Variants in STK39 observed in about 807,000 individuals in gnomAD.
STK39 encodes the protein serine/threonine kinase 39.
In STK39, 20 loss-of-function variants were observed where a neutral mutation model predicts 77.8. That is an observed-to-expected ratio of 0.26 (90% CI 0.18 to 0.37). The LOEUF (loss-of-function observed/expected upper bound fraction) is 0.37, where lower values mean the gene tolerates loss of function less well. Ranked by LOEUF, STK39 falls within the 10% of genes least tolerant of loss-of-function variation. The pLI is 1.00. For missense variants in STK39, 479 were observed against 656.5 expected, an observed-to-expected ratio of 0.73 and a Z score of 2.95; for synonymous variants, 246 against 234.1, an observed-to-expected ratio of 1.05 and a Z score of -0.47.
At chr2:168,175,671 G>A (rs189059597) in intron 2 of STK39, among the ~76,000 whole-genome samples, 24 of 152,108 alleles carry the variant, frequency 1.6e-4, no homozygotes, top group South Asian at 8.3e-4. Context: ...TCTCCAATTC[G>A]TTAAGAATGT....
intron 4 of STK39, among the ~76,000 whole-genome samples, chr2:168,162,234 C>A (rs1172584970): frequency 7.0e-6 from 1 of 143,492 alleles, no homozygotes; most frequent in African/African-American, 2.6e-5. Flanking sequence ...TGCAGTGAGC[C>A]AACACCGTGC....
At chr2:168,182,284 A>G (rs75654670) in intron 1 of STK39, among the ~76,000 whole-genome samples, 194 bp from the exon 2 acceptor site, 3,571 of 152,134 alleles carry the variant, frequency 0.023, 87 homozygotes, top group East Asian at 0.076. Flanking sequence ...AAAAAACTGC[A>G]TTTTCCAGAC....
intron 1 of STK39, among the ~76,000 whole-genome samples, chr2:168,228,194 C>T (rs1690357238): frequency 6.6e-6 from 1 of 152,052 alleles, no homozygotes; most frequent in Non-Finnish European, 1.5e-5. Flanking sequence ...CAGTGTATGC[C>T]AAAATCTCAA....
At chr2:168,131,230 GAA>G (rs1048114322) in intron 8 of STK39, among the ~76,000 whole-genome samples, 3 of 152,166 alleles carry the variant, frequency 2.0e-5, no homozygotes, top group Non-Finnish European at 2.9e-5. Flanking sequence ...TGATGGTATA[GAA>G]GTAAACAATG....
At chr2:168,208,225 AG>A (rs1213254285) in intron 1 of STK39, among the ~76,000 whole-genome samples, 6 of 152,236 alleles carry the variant, frequency 3.9e-5, no homozygotes, top group Admixed American at 6.5e-5. Flanking sequence ...CATTTTCACC[AG>A]CTTATCACCT....
intron 8 of STK39, among the ~76,000 whole-genome samples, chr2:168,135,129 T>A (rs1311032876): frequency 7.1e-6 from 1 of 140,016 alleles, no homozygotes; most frequent in Admixed American, 7.2e-5. Flanking sequence ...AAAACACTTA[T>A]AAACTTTTGA....
At chr2:168,190,823 G>C (rs1357261441) in intron 1 of STK39, among the ~76,000 whole-genome samples, 1 of 152,124 alleles carries the variant, frequency 6.6e-6, no homozygotes. Context: ...CCAACGATCT[G>C]GCAATATTGA....
At chr2:168,172,989 A>G (rs1489379753) in intron 2 of STK39, among the ~76,000 whole-genome samples, 1 of 152,230 alleles carries the variant, frequency 6.6e-6, no homozygotes, top group African/African-American at 2.4e-5. Context: ...AAATTGGTTT[A>G]GGAGACAGCC....
intron 16 of STK39, among the ~76,000 whole-genome samples, chr2:167,990,841 G>A (rs1683682976): frequency 6.6e-6 from 1 of 152,162 alleles, no homozygotes; most frequent in Non-Finnish European, 1.5e-5. Context: ...TGCGTACATG[G>A]AGCTTAGTCC....
rs1559111375 is a variant in STK39, at chr2:168,129,739, A to T, written c.994T>A (p.Leu332Ile). 1 of 1,613,960 alleles carries T rather than the reference A, an allele frequency of 6.2e-7. No individual in the cohort carries two copies. The highest frequency in any genetic ancestry group is 8.5e-7 in the Non-Finnish European group (1 of 1,179,944). ...PSKRPTAAEL[L>I]KCKFFQKAKN... is the part of the protein sequence containing the mutation. Reference sequence around the variant, plus strand: ...GCTTTCTGGAAGAATTTGCATTTTAAAAGTTCTGCTGCTGTGGGCCTGAAA... The same window carrying T: ...GCTTTCTGGAAGAATTTGCATTTTATAAGTTCTGCTGCTGTGGGCCTGAAA... The change falls in exon 9 of 18, where the codon TTA becomes ATA. Residue 332 changes from leucine (L) to isoleucine (I), a missense_variant. This residue lies in a region of STK39 where 244 missense variants were observed against 296.8 expected (regional missense o/e 0.82). Transcript: ENST00000355999.
At chr2:167,978,689 C>T (rs1225872781) in intron 16 of STK39, among the ~76,000 whole-genome samples, 1 of 152,152 alleles carries the variant, frequency 6.6e-6, no homozygotes. Flanking sequence ...TGTACACACT[C>T]ATGAAACCAT....
intron 14 of STK39, among the ~76,000 whole-genome samples, chr2:168,034,171 C>T (rs926147224): frequency 3.3e-5 from 5 of 152,174 alleles, no homozygotes; most frequent in Non-Finnish European, 5.9e-5. Flanking sequence ...TGTCCTCAAG[C>T]GGCCCAGCAT....
chr2:168,108,652 C>A (rs964136448), intron 10 of STK39, among the ~76,000 whole-genome samples: 2 of 152,160 alleles, frequency 1.3e-5, no homozygotes, highest in Admixed American at 6.5e-5. Flanking sequence ...GTCATTCCCC[C>A]CTTCAGCAGG....
At chr2:168,030,853 G>A (rs1244770372) in intron 14 of STK39, among the ~76,000 whole-genome samples, 1 of 152,212 alleles carries the variant, frequency 6.6e-6, no homozygotes, top group Non-Finnish European at 1.5e-5. Context: ...TAGTTGCACA[G>A]AAAGTAACAT....
chr2:168,063,839 A>G (rs1410696627), intron 13 of STK39, among the ~76,000 whole-genome samples: 1 of 152,194 alleles, frequency 6.6e-6, no homozygotes, highest in Middle Eastern at 3.2e-3. Flanking sequence ...AAGCTGTAGT[A>G]AAGTCCAGCT....
In STK39 at chr2:168,135,693, G is replaced by C. The variant is rs1687812755; in HGVS notation, c.974+2395C>G. Among the ~76,000 whole-genome samples the C allele has an allele frequency of 2.0e-5, 3 of 152,156 alleles. No individual in the cohort carries two copies. In the South Asian group the frequency reaches 6.2e-4, roughly 32 times the overall value. On this transcript the variant is annotated intron_variant, in intron 8 of 17. Coordinates refer to ENST00000355999, the MANE Select transcript of STK39 (RefSeq NM_013233.3). ...ATCTAAAAAGTAATTCAACAATGTTGCTTTTTTCCATTCTTACATTGCATA... is the reference window on the plus strand; with the variant it reads ...ATCTAAAAAGTAATTCAACAATGTTCCTTTTTTCCATTCTTACATTGCATA...
chr2:168,007,929 T>C (rs1415201047), intron 16 of STK39, among the ~76,000 whole-genome samples: 1 of 152,180 alleles, frequency 6.6e-6, no homozygotes, highest in Non-Finnish European at 1.5e-5. Context: ...CCCTTTAAAA[T>C]GCACGATTCA....
At chr2:167,965,857 C>A (rs1465169196) in intron 16 of STK39, among the ~76,000 whole-genome samples, 9 of 152,108 alleles carry the variant, frequency 5.9e-5, no homozygotes, top group Admixed American at 5.9e-4. Context: ...AAGAAATCTG[C>A]GCAAGTTTTA....
chr2:167,988,906 T>C (rs1020242770), intron 16 of STK39, among the ~76,000 whole-genome samples: 7 of 152,144 alleles, frequency 4.6e-5, no homozygotes, highest in African/African-American at 7.2e-5. Context: ...GCAGCAACAA[T>C]GATAGATCGA....
Sources: gnomAD v4.1 joint callset for allele counts (sites outside exome capture counted in the v4.1 genomes callset) on GRCh38, gnomAD v4.1.1 for gene constraint, gnomAD v4.1.1 regional missense constraint, MANE v1.5 for transcripts, NCBI Gene and HGNC (gene_info 2026-07-23, HGNC 2026-07-21) for gene names.